The following TMTC1 variants were observed in gnomAD, a reference collection of about 807,000 sequenced individuals.
TMTC1 encodes the protein protein O-mannosyl-transferase TMTC1.
In TMTC1, 73 loss-of-function variants were observed where a neutral mutation model predicts 104.8. The ratio of observed to expected loss-of-function variants is 0.70; its 90% CI spans 0.58 to 0.85. The LOEUF (loss-of-function observed/expected upper bound fraction) is 0.85, where lower values mean the gene tolerates loss of function less well. Among genes scored for constraint, TMTC1 ranks in the 40% least tolerant of loss-of-function variants. The pLI is 0.00. For synonymous variants in TMTC1, 434 were observed against 428.7 expected (o/e 1.01, Z -0.15); for missense variants, 1,035 against 1,096.1 (o/e 0.94, Z 0.79).
rs1943898857 is a variant in TMTC1, at chr12:29,783,859, G to T, written c.-108C>A. On this transcript the variant is annotated 5_prime_UTR_variant, in exon 1 of 18. Transcript: ENST00000539277. The surrounding 1 kb of genome is among the most constrained non-coding windows in gnomAD (Gnocchi z 4.7). The stretch of plus-strand genomic sequence containing the variant: ...TCTGCCCGGAGGGGGGCTCGGGCAT[G>T]GTGCTGCGGCAGCTGGACCCGCCGC... The T allele has an allele frequency of 9.8e-7, 1 of 1,016,138 alleles. No homozygotes were observed. Among genetic ancestry groups the T allele is most frequent in the African/African-American group, 1.7e-5 (1 of 57,970 alleles). 62.9% of individuals were successfully genotyped at this position (1,016,138 alleles called of 1,614,324 possible).
intron 8 of TMTC1, among the ~76,000 whole-genome samples, chr12:29,582,845 T>C (rs1183378072): frequency 6.6e-6 from 1 of 152,156 alleles, no homozygotes; most frequent in African/African-American, 2.4e-5. Context: ...TGTTTGGGTG[T>C]CAGGTGTGGC....
chr12:29,606,861 ACTTT>A (rs958740762), intron 6 of TMTC1, among the ~76,000 whole-genome samples: 3 of 149,508 alleles, frequency 2.0e-5, no homozygotes. Flanking sequence ...GTGGGTGTTC[ACTTT>A]CTTTTTTTTT....
rs189279488 is a variant in TMTC1 at position 29,604,427 on chromosome 12, T to G, written c.1129-128A>C. On this transcript the variant is annotated intron_variant, in intron 6 of 17. Coordinates refer to ENST00000539277, the MANE Select transcript of TMTC1 (RefSeq NM_001193451.2). ...ATAAATTAGACCAATATAAACCTTTTGACCGGCGTGCTGAATTTAACAGAG... is the reference window on the plus strand; with the variant it reads ...ATAAATTAGACCAATATAAACCTTTGGACCGGCGTGCTGAATTTAACAGAG... 45 of 1,272,840 alleles carry G rather than the reference T, an allele frequency of 3.5e-5. No individual in the cohort carries two copies. The African/African-American group carries it at 5.2e-4, about 15-fold the overall frequency. 78.8% of individuals were successfully genotyped at this position (1,272,840 alleles called of 1,614,324 possible).
intron 11 of TMTC1, among the ~76,000 whole-genome samples, chr12:29,530,677 G>C (rs1944478108): frequency 6.6e-6 from 1 of 152,148 alleles, no homozygotes; most frequent in Non-Finnish European, 1.5e-5. Context: ...CAAAGCACCT[G>C]CTTTTGCTTT....
At chr12:29,514,311 C>T (rs1943921916) in intron 16 of TMTC1, among the ~76,000 whole-genome samples, 171 bp downstream of exon 16, 1 of 151,876 alleles carries the variant, frequency 6.6e-6, no homozygotes, top group Non-Finnish European at 1.5e-5. Flanking sequence ...GCCAGATGCT[C>T]AATGATAAAA....
rs74082503 is a variant in TMTC1, at chr12:29,741,630, C to A, written c.938+10036G>T. Reference sequence around the variant, plus strand: ...TCTCATTTCTTTGTCTCTTGCGCAACCTGAGAAATAGCTATTCTCTAAAAA... The same window carrying A: ...TCTCATTTCTTTGTCTCTTGCGCAAACTGAGAAATAGCTATTCTCTAAAAA... On this transcript the variant is annotated intron_variant, in intron 5 of 17. Coordinates refer to ENST00000539277, the MANE Select transcript of TMTC1 (RefSeq NM_001193451.2). Among the ~76,000 whole-genome samples, 798 of 152,268 alleles carry A rather than the reference C, an allele frequency of 5.2e-3. 11 individuals are homozygous for A. The highest frequency in any genetic ancestry group is 0.018 in the African/African-American group (754 of 41,550).
At chr12:29,604,790 A>C (rs1946654926) in intron 6 of TMTC1, among the ~76,000 whole-genome samples, 1 of 152,212 alleles carries the variant, frequency 6.6e-6, no homozygotes, top group African/African-American at 2.4e-5. Flanking sequence ...TCAAATACTA[A>C]TGATAAAATT....
chr12:29,501,520 A>C lies in TMTC1; in HGVS notation c.*5326T>G, dbSNP rs1191380209. 6.6e-6 allele frequency: 1 copy of C among 152,176 alleles called. No homozygotes were observed. The highest frequency in any genetic ancestry group is 1.5e-5 in the Non-Finnish European group (1 of 68,026). 9.4% of individuals were successfully genotyped at this position (152,176 alleles called of 1,614,324 possible). On this transcript the variant is annotated 3_prime_UTR_variant, in exon 18 of 18. Transcript: ENST00000539277. ...AGAGCTAGAACTAGAACTAGAACTC[A>C]GATGTCTTGATTCTTGGGGTAGTGT... is the stretch of plus-strand genomic sequence containing the variant.
intron 1 of TMTC1, among the ~76,000 whole-genome samples, chr12:29,775,256 G>A (rs1943681544): frequency 6.6e-6 from 1 of 152,036 alleles, no homozygotes. Flanking sequence ...GTTTGGTGGA[G>A]TGCCTGATTG....
At chr12:29,675,828 G>A (rs889403191) in intron 5 of TMTC1, among the ~76,000 whole-genome samples, 1 of 152,098 alleles carries the variant, frequency 6.6e-6, no homozygotes, top group Non-Finnish European at 1.5e-5. Flanking sequence ...ATTCTTAATA[G>A]CATTGTTCCA....
intron 17 of TMTC1, 105 bp downstream of exon 17, chr12:29,511,938 C>G: frequency 8.6e-7 from 1 of 1,157,874 alleles, no homozygotes; most frequent in Non-Finnish European, 1.3e-6. Context: ...CAAATGATTT[C>G]AAAAAGGAAA....
intron 5 of TMTC1, chr12:29,666,117 T>C (rs1239947679): frequency 4.8e-6 from 2 of 412,486 alleles, no homozygotes; most frequent in East Asian, 1.5e-4. Flanking sequence ...CTTTAACAAG[T>C]GTTATTTGAA....
intron 5 of TMTC1, among the ~76,000 whole-genome samples, chr12:29,724,980 A>G (rs544486481): frequency 6.7e-6 from 1 of 148,470 alleles, no homozygotes; most frequent in South Asian, 2.1e-4. Flanking sequence ...ATAACCAAAA[A>G]TTCAGCGTAG....
chr12:29,764,801 A>G (rs1943426803), intron 2 of TMTC1, among the ~76,000 whole-genome samples: 1 of 152,064 alleles, frequency 6.6e-6, no homozygotes, highest in African/African-American at 2.4e-5. Flanking sequence ...GATTTTTTTC[A>G]ATTAGTACAA....
chr12:29,752,613 C>T (rs1407344714), intron 4 of TMTC1, among the ~76,000 whole-genome samples: 1 of 151,940 alleles, frequency 6.6e-6, no homozygotes. Flanking sequence ...AAACTAAATT[C>T]CAAACCCAGA....
chr12:29,619,794 G>A (rs1752351930), intron 6 of TMTC1, among the ~76,000 whole-genome samples: 1 of 152,130 alleles, frequency 6.6e-6, no homozygotes, highest in Non-Finnish European at 1.5e-5. Context: ...GTGATTTTAT[G>A]TTATATTCTG....
rs116315834 is a variant in TMTC1, at chr12:29,596,465, T to C, written c.1250+7713A>G. On this transcript the variant is annotated intron_variant, in intron 7 of 17. Transcript: ENST00000539277. ...ATGCACAGCCTTTCTCCCTCACCTT[T>C]CATCACTCCTGCTATGAAAAGAGAA... is the stretch of plus-strand genomic sequence containing the variant. Among the ~76,000 whole-genome samples the C allele has an allele frequency of 9.2e-3, 1,399 of 152,336 alleles. 19 individuals are homozygous for C. Among genetic ancestry groups the C allele is most frequent in the African/African-American group, 0.032 (1,325 of 41,560 alleles).
At chr12:29,704,205 C>T (rs1022431477) in intron 5 of TMTC1, among the ~76,000 whole-genome samples, 4 of 152,116 alleles carry the variant, frequency 2.6e-5, no homozygotes, top group Non-Finnish European at 5.9e-5. Context: ...TAAATCTATT[C>T]TTGGTTTTCA....
At chr12:29,631,957 G>A (rs1376171049) in intron 6 of TMTC1, among the ~76,000 whole-genome samples, 2 of 152,148 alleles carry the variant, frequency 1.3e-5, no homozygotes, top group East Asian at 3.9e-4. Context: ...ACTCGTGCAC[G>A]CATTGAAGAA....
Sources: allele counts gnomAD v4.1 joint callset (sites outside exome capture counted in the v4.1 genomes callset), GRCh38; gene constraint gnomAD v4.1.1; non-coding constraint Gnocchi (gnomAD v3.1); transcripts MANE v1.5; gene names NCBI Gene and HGNC (gene_info 2026-07-23, HGNC 2026-07-21).